EYS: variants seen among roughly 807,000 people sequenced by gnomAD.
EYS encodes the protein EGF-like photoreceptor maintenance factor, also known as protein eyes shut homolog.
EYS carries 250 observed loss-of-function variants against 282.1 expected under a neutral mutation model. That is an observed-to-expected ratio of 0.89 (90% CI 0.80 to 0.98). The LOEUF (loss-of-function observed/expected upper bound fraction) is 0.98, where lower values mean the gene tolerates loss of function less well. EYS is among the 50% of genes least tolerant of loss of function. The probability of loss-of-function intolerance (pLI) is 0.00; values close to 1 mark genes in which losing one functional copy is unlikely to be tolerated. For missense variants in EYS, 4,016 were observed against 3,709.0 expected (o/e 1.08, Z -2.15); for synonymous variants, 1,355 against 1,282.9 (o/e 1.06, Z -1.20).
rs150994594 is a variant in EYS, at chr6:63,944,405, A to G, written c.7055+39978T>C. On this transcript the variant is annotated intron_variant, in intron 35 of 42. Transcript: ENST00000503581. Reference sequence around the variant, plus strand: ...AGTGTACGACATGCTTTAGTCTGCCAGTTAATTTTAAAAATTGCATTTCTT... The same window carrying G: ...AGTGTACGACATGCTTTAGTCTGCCGGTTAATTTTAAAAATTGCATTTCTT... Among the ~76,000 whole-genome samples the G allele has an allele frequency of 4.7e-3, 716 of 152,318 alleles. 7 individuals are homozygous for G. The highest frequency in any genetic ancestry group is 0.016 in the African/African-American group (660 of 41,568).
At chr6:63,771,114 T>C (rs1769917768) in intron 40 of EYS, among the ~76,000 whole-genome samples, 1 of 152,212 alleles carries the variant, frequency 6.6e-6, no homozygotes, top group South Asian at 2.1e-4. Context: ...GCACTCAGAA[T>C]TCCTATTAAG....
intron 23 of EYS, among the ~76,000 whole-genome samples, 163 bp downstream of exon 23, chr6:64,625,958 T>C (rs1416603904): frequency 6.6e-6 from 1 of 152,222 alleles, no homozygotes; most frequent in Non-Finnish European, 1.5e-5. Flanking sequence ...ATTCATTTCA[T>C]GTTTTTAAAG....
At chr6:64,980,051 C>A (rs745398938) in intron 14 of EYS, among the ~76,000 whole-genome samples, 1 of 151,338 alleles carries the variant, frequency 6.6e-6, no homozygotes, top group African/African-American at 2.4e-5. Flanking sequence ...AAGTGACATC[C>A]TTTTAGTCCT....
intron 31 of EYS, among the ~76,000 whole-genome samples, chr6:64,202,834 T>A (rs545919551): frequency 2.0e-5 from 3 of 152,276 alleles, no homozygotes; most frequent in Non-Finnish European, 2.9e-5. Context: ...TAGCCCAAAG[T>A]CAAGGAATGC....
chr6:64,370,889 C>T (rs1483138350), intron 29 of EYS, among the ~76,000 whole-genome samples: 3 of 151,870 alleles, frequency 2.0e-5, no homozygotes, highest in African/African-American at 4.8e-5. Context: ...TTTCTGATTG[C>T]GTTTATTTGG....
At chr6:65,179,097 C>G (rs1033847714) in intron 12 of EYS, among the ~76,000 whole-genome samples, 3 of 152,010 alleles carry the variant, frequency 2.0e-5, no homozygotes, top group African/African-American at 7.2e-5. Flanking sequence ...TAAATGCCCG[C>G]AAGAGAAAGC....
intron 2 of EYS, among the ~76,000 whole-genome samples, chr6:65,548,618 C>T (rs974915077): frequency 1.3e-5 from 2 of 152,182 alleles, no homozygotes; most frequent in African/African-American, 4.8e-5. Flanking sequence ...TGATTCCCGG[C>T]ACTTATCTCC....
At chr6:63,979,802 A>G (rs1582070965) in intron 35 of EYS, among the ~76,000 whole-genome samples, 1 of 151,926 alleles carries the variant, frequency 6.6e-6, no homozygotes, top group Admixed American at 6.6e-5. Flanking sequence ...TGAAATGAAC[A>G]ACCACAGGGG....
intron 31 of EYS, among the ~76,000 whole-genome samples, chr6:64,149,953 A>C (rs1221171689): frequency 1.3e-5 from 2 of 152,196 alleles, no homozygotes; most frequent in Non-Finnish European, 2.9e-5. Flanking sequence ...AACAAATGTC[A>C]AAGTGCTCTG....
chr6:64,055,842 G>T (rs1474930539), intron 33 of EYS, among the ~76,000 whole-genome samples: 1 of 152,092 alleles, frequency 6.6e-6, no homozygotes, highest in Non-Finnish European at 1.5e-5. Context: ...GGCGATAGTG[G>T]GTGTGGGGAT....
At chr6:65,261,162 A>G (rs1315316519) in intron 12 of EYS, among the ~76,000 whole-genome samples, 1 of 152,060 alleles carries the variant, frequency 6.6e-6, no homozygotes, top group Non-Finnish European at 1.5e-5. Flanking sequence ...CTGTTGGATT[A>G]TCTCACACAA....
intron 1 of EYS, among the ~76,000 whole-genome samples, chr6:65,673,684 A>G (rs1768479527): frequency 6.6e-6 from 1 of 152,042 alleles, no homozygotes. Context: ...TCCACTGAAT[A>G]CCAAGAGCCT....
chr6:64,307,147 T>G, intron 29 of EYS, 65 bp from the exon 30 acceptor site: 1 of 859,662 alleles, frequency 1.2e-6, no homozygotes. Context: ...TATATTATTC[T>G]TGCTTCAAAC....
chr6:64,629,449 A>G (rs189209288), intron 22 of EYS, among the ~76,000 whole-genome samples: 2 of 152,274 alleles, frequency 1.3e-5, no homozygotes, highest in Admixed American at 6.5e-5. Context: ...CTTTGAATCT[A>G]TAAAAGTCAA....
chr6:64,176,546 G>C (rs781739023), intron 31 of EYS, among the ~76,000 whole-genome samples: 1 of 151,582 alleles, frequency 6.6e-6, no homozygotes, highest in Middle Eastern at 3.2e-3. Flanking sequence ...TACCAAATAC[G>C]CGTGAAGTTT....
chr6:65,417,114 G>A (rs554862315), intron 5 of EYS, among the ~76,000 whole-genome samples: 2 of 151,988 alleles, frequency 1.3e-5, no homozygotes, highest in South Asian at 4.1e-4. Context: ...ATTATTTTAA[G>A]TTATTCATTG....
chr6:63,798,883 A>T (rs1410782268), intron 37 of EYS, among the ~76,000 whole-genome samples: 1 of 151,002 alleles, frequency 6.6e-6, no homozygotes. Context: ...AGCTATGTGC[A>T]TAAAGTGCTT....
In EYS at chr6:64,287,048, C is replaced by A. The variant is rs371033155; in HGVS notation, c.6191+19922G>T. On this transcript the variant is annotated intron_variant, in intron 30 of 42. Coordinates refer to ENST00000503581, the MANE Select transcript of EYS (RefSeq NM_001142800.2). ...TTATATGTAAAAACAAAAACTCCAA[C>A]CTTTATTTTCCTTTTAAGATAACTG... Among the ~76,000 whole-genome samples the A allele has an allele frequency of 2.3e-4, 35 of 152,240 alleles. 1 individual carries two copies. In the East Asian group the frequency reaches 4.8e-3, roughly 21 times the overall value.
intron 35 of EYS, among the ~76,000 whole-genome samples, chr6:63,909,724 T>C (rs1297379149): frequency 6.6e-6 from 1 of 152,222 alleles, no homozygotes; most frequent in East Asian, 1.9e-4. Context: ...CTTTGGTGCA[T>C]GTTAAAATTA....
Sources: gnomAD v4.1 joint callset for allele counts (sites outside exome capture counted in the v4.1 genomes callset) on GRCh38, gnomAD v4.1.1 for gene constraint, MANE v1.5 for transcripts, NCBI Gene and HGNC (gene_info 2026-07-23, HGNC 2026-07-21) for gene names.